The following FKBP5 variants were observed in gnomAD, a reference collection of about 807,000 sequenced individuals.
FKBP5 encodes the protein peptidyl-prolyl cis-trans isomerase FKBP5.
Under a neutral mutation model 50.5 loss-of-function variants are expected in FKBP5, and 23 were observed. The observed-to-expected ratio is 0.46, with a 90% CI of 0.33 to 0.65. The LOEUF (loss-of-function observed/expected upper bound fraction) is 0.65, where lower values mean the gene tolerates loss of function less well. Among genes scored for constraint, FKBP5 ranks in the 30% least tolerant of loss-of-function variants. The pLI, the probability that FKBP5 is intolerant of heterozygous loss-of-function variation, is 0.02. For missense variants in FKBP5, 411 were observed against 553.1 expected (o/e 0.74, Z 2.58); for synonymous variants, 176 against 190.6 (o/e 0.92, Z 0.63).
At chr6:35,625,230 C>T (rs1258903450) in intron 3 of FKBP5, among the ~76,000 whole-genome samples, 1 of 151,956 alleles carries the variant, frequency 6.6e-6, no homozygotes, top group African/African-American at 2.4e-5. Context: ...ATTACAGGCA[C>T]GTGCCACTAC....
chr6:35,620,960 T>C (rs1308527858), intron 3 of FKBP5, among the ~76,000 whole-genome samples: 5 of 152,078 alleles, frequency 3.3e-5, no homozygotes, highest in Non-Finnish European at 5.9e-5. Context: ...GAGTGTGTCC[T>C]AAGGAAGCTT....
chr6:35,578,768 C>CA (rs11376572), intron 9 of FKBP5, among the ~76,000 whole-genome samples: 91,808 of 134,678 alleles, frequency 0.68, 30,297 homozygotes, highest in East Asian at 0.76. Context: ...ACTCCATCTC[C>CA]AAAAAAAAAA....
intron 1 of FKBP5, among the ~76,000 whole-genome samples, chr6:35,724,416 TA>T (rs1430071798): frequency 6.6e-6 from 1 of 152,134 alleles, no homozygotes; most frequent in Non-Finnish European, 1.5e-5. Flanking sequence ...TCGAATGGGC[TA>T]AAAACAATTT....
Position 35,577,211 on chromosome 6 carries a change from T to C in FKBP5, c.1049A>G (p.Asn350Ser), listed in dbSNP as rs140740382. ...CDKALGLDSA[N>S]EKGLYRRGEA... ...ACCCCTCCTATACAAGCCTTTCTCA[T>C]TGGCACTGTCCAGTCCAAGGGCCTA... Residue 350 changes from asparagine to serine, a missense_variant, in exon 10 of 11, where the codon AAT (asparagine) becomes AGT (serine). Around this residue, in one of 3 missense-constraint regions of FKBP5, gnomAD observed 267 missense variants for 405.9 expected, o/e 0.66. Coordinates refer to ENST00000357266, the MANE Select transcript of FKBP5 (RefSeq NM_004117.4). The C allele has an allele frequency of 2.4e-5, 39 of 1,611,746 alleles. No homozygotes were observed. Among genetic ancestry groups the C allele is most frequent in the Non-Finnish European group, 5.9e-6 (7 of 1,178,602 alleles).
At position 35,620,183 on chromosome 6, in the gene FKBP5, G is replaced by A. The variant is rs1376706526; in HGVS notation, c.342C>T (p.Gly114=). ...HLLCKPEYAY[G]SAGSLPKIPS... ...GAATTTTAGGGAGACTGCCAGCCGA[G>A]CCATATGCATATTCTGGTTTGCACA... Residue 114 remains glycine (G), a synonymous_variant, in exon 4 of 11, where the codon GGC becomes GGT. Coordinates refer to ENST00000357266, the MANE Select transcript of FKBP5 (RefSeq NM_004117.4). 3 of 1,613,998 alleles carry A rather than the reference G, an allele frequency of 1.9e-6. No individual in the cohort carries two copies. The highest frequency in any genetic ancestry group is 3.3e-5 in the Admixed American group (2 of 59,982).
intron 1 of FKBP5, among the ~76,000 whole-genome samples, chr6:35,662,007 TTAGTAG>T (rs1288842588): frequency 2.0e-5 from 3 of 152,192 alleles, no homozygotes; most frequent in Admixed American, 6.5e-5. Flanking sequence ...ACTTTCAACA[TTAGTAG>T]TAGTAGATGT....
At chr6:35,601,990 C>A (rs1763160354) in intron 5 of FKBP5, among the ~76,000 whole-genome samples, 1 of 152,140 alleles carries the variant, frequency 6.6e-6, no homozygotes, top group African/African-American at 2.4e-5. Context: ...CGGAGTGTAA[C>A]CACATCAAGC....
chr6:35,578,660 T>A (rs77064655), intron 9 of FKBP5, among the ~76,000 whole-genome samples: 1 of 150,968 alleles, frequency 6.6e-6, no homozygotes, highest in African/African-American at 2.4e-5. Context: ...CTAAGCTACT[T>A]GGGAGGCTGA....
chr6:35,630,611 C>T (rs949978759), intron 3 of FKBP5, among the ~76,000 whole-genome samples: 1 of 152,204 alleles, frequency 6.6e-6, no homozygotes, highest in Non-Finnish European at 1.5e-5. Flanking sequence ...GGACCTACTT[C>T]ATTTCTGTAC....
chr6:35,576,450 A>AC (rs1762217413), intron 10 of FKBP5, among the ~76,000 whole-genome samples: 1 of 152,098 alleles, frequency 6.6e-6, no homozygotes, highest in African/African-American at 2.4e-5. Flanking sequence ...AGCAGGAGGA[A>AC]CCCTTGAAGC....
intron 1 of FKBP5, among the ~76,000 whole-genome samples, chr6:35,647,493 A>G (rs1220438903): frequency 6.6e-6 from 1 of 152,246 alleles, no homozygotes; most frequent in African/African-American, 2.4e-5. Context: ...ATTTCTGAAC[A>G]CTACACAGCA....
intron 2 of FKBP5, among the ~76,000 whole-genome samples, chr6:35,698,417 G>T (rs929205857): frequency 6.6e-6 from 1 of 152,110 alleles, no homozygotes; most frequent in South Asian, 2.1e-4. Flanking sequence ...GGAAACCTAG[G>T]TGGCAGATCA....
At chr6:35,691,855 G>C (rs1765993816), upstream of FKBP5, among the ~76,000 whole-genome samples, 1 of 152,200 alleles carries the variant, frequency 6.6e-6, no homozygotes, top group Non-Finnish European at 1.5e-5. Flanking sequence ...CCTAAGACCA[G>C]TTCCATGGGT....
chr6:35,677,044 T>C (rs1399897074), intron 1 of FKBP5, among the ~76,000 whole-genome samples: 1 of 152,312 alleles, frequency 6.6e-6, no homozygotes, highest in East Asian at 1.9e-4. Context: ...TCACGTCATT[T>C]TCAGCGAAGG....
chr6:35,689,374 G>T (rs1030905390), upstream of FKBP5, among the ~76,000 whole-genome samples: 3 of 152,142 alleles, frequency 2.0e-5, no homozygotes, highest in Non-Finnish European at 2.9e-5. Context: ...GCCCTAGGAA[G>T]CAACCCCATT....
intron 3 of FKBP5, among the ~76,000 whole-genome samples, chr6:35,634,973 T>C (rs1764265571): frequency 6.8e-6 from 1 of 147,180 alleles, no homozygotes; most frequent in Non-Finnish European, 1.5e-5. Flanking sequence ...GCAGATTGCT[T>C]GAGCCCAGGA....
At chr6:35,589,130 T>TTTTTATATATATATATATATA (rs1561846643) in intron 7 of FKBP5, among the ~76,000 whole-genome samples, 1 of 112,964 alleles carries the variant, frequency 8.9e-6, no homozygotes, top group African/African-American at 3.6e-5. Flanking sequence ...ATATATATAT[T>TTTTTATATATATATATATATA]TTTTTTTTTT....
Position 35,573,839 on chromosome 6 carries a change from T to TCACA in FKBP5, c.*1992_*1995dup, listed in dbSNP as rs1284634870. 2 of 152,180 alleles carry TCACA rather than the reference T, an allele frequency of 1.3e-5. No individual in the cohort carries two copies. The highest frequency in any genetic ancestry group is 4.8e-5 in the African/African-American group (2 of 41,442). 9.4% of individuals were successfully genotyped at this position (152,180 alleles called of 1,614,324 possible). A position where few individuals can be genotyped will look rare whatever the true frequency, so the allele number is the denominator to read the frequency against. ...CCTGTAGTTATTTGCTCAGAACCACTCACACACCCTTCCCCTCCCCACACA... is the reference window on the plus strand; with the variant it reads ...CCTGTAGTTATTTGCTCAGAACCACTCACACACACACCCTTCCCCTCCCCACACA... On this transcript the variant is annotated 3_prime_UTR_variant, in exon 11 of 11. Transcript: ENST00000357266.
chr6:35,725,786 C>G (rs144506485), intron 1 of FKBP5, among the ~76,000 whole-genome samples: 111 of 152,274 alleles, frequency 7.3e-4, no homozygotes, highest in African/African-American at 2.6e-3. Flanking sequence ...ACGGTACATT[C>G]CGGTCCCAGC....
Sources: allele counts gnomAD v4.1 joint callset (sites outside exome capture counted in the v4.1 genomes callset), GRCh38; gene constraint gnomAD v4.1.1; regional missense constraint gnomAD v4.1.1; transcripts MANE v1.5; gene names NCBI Gene and HGNC (gene_info 2026-07-23, HGNC 2026-07-21).